Variants in SOBP observed in about 807,000 individuals in gnomAD.
SOBP encodes sine oculis binding protein homolog, also known as sine oculis-binding protein homolog.
A neutral mutation model predicts 53.6 loss-of-function variants in SOBP; 4 were observed. That is an observed-to-expected ratio of 0.07 (90% CI 0.04 to 0.17). The LOEUF (loss-of-function observed/expected upper bound fraction) is 0.17, where lower values mean the gene tolerates loss of function less well. SOBP is among the 10% of genes least tolerant of loss of function. SOBP has a pLI of 1.00. For synonymous variants in SOBP, 584 were observed against 522.6 expected (o/e 1.12, Z -1.60); for missense variants, 1,088 against 1,204.7 (o/e 0.90, Z 1.43).
Position 107,635,102 on chromosome 6 carries a change from C to G in SOBP, c.2258C>G (p.Pro753Arg), listed in dbSNP as rs1770966068. 1 of 1,604,232 alleles carries G rather than the reference C, an allele frequency of 6.2e-7. No homozygotes were observed. The highest frequency in any genetic ancestry group is 1.3e-5 in the African/African-American group (1 of 74,580). Residue 753 changes from proline (P) to arginine (R), a missense_variant, in exon 6 of 7, where the codon CCC becomes CGC. Transcript: ENST00000317357. The surrounding 1 kb of genome is among the most constrained non-coding windows in gnomAD (Gnocchi z 4.5). ...CCGCCGCCGCCGCCGCCGCCCGCGC[C>G]CCCCAAGAAGCTGCTGTCGCCTGAG... is the stretch of plus-strand genomic sequence containing the variant. ...EQPPPPPPPAPPKKLLSPEEP... is the reference protein window; with the variant it reads ...EQPPPPPPPARPKKLLSPEEP...
intron 4 of SOBP, among the ~76,000 whole-genome samples, chr6:107,539,462 AG>A (rs1182554079): frequency 1.3e-5 from 2 of 152,206 alleles, no homozygotes; most frequent in Non-Finnish European, 2.9e-5. Context: ...TTTCAGACAT[AG>A]TACATCTCTG....
intron 4 of SOBP, among the ~76,000 whole-genome samples, chr6:107,552,928 A>T (rs138402660): frequency 6.6e-6 from 1 of 152,184 alleles, no homozygotes; most frequent in East Asian, 1.9e-4. Flanking sequence ...GTCTCCATGA[A>T]TAAATAAATA....
chr6:107,570,072 C>T (rs116154067), intron 4 of SOBP, among the ~76,000 whole-genome samples: 25 of 152,226 alleles, frequency 1.6e-4, no homozygotes, highest in African/African-American at 5.1e-4. Flanking sequence ...ATGAGAATAA[C>T]GGGACTGGTT....
intron 4 of SOBP, chr6:107,558,274 T>C (rs560704131): frequency 3.3e-5 from 5 of 152,122 alleles, no homozygotes; most frequent in East Asian, 1.9e-4. Flanking sequence ...CTAGTTCTTT[T>C]TTTTCCCCCC....
chr6:107,595,522 T>C (rs1418160133), intron 5 of SOBP, among the ~76,000 whole-genome samples: 1 of 152,140 alleles, frequency 6.6e-6, no homozygotes, highest in Non-Finnish European at 1.5e-5. Context: ...TTGTTTTAAT[T>C]ACTAGAACTG....
chr6:107,627,490 A>G (rs114974080), intron 5 of SOBP, among the ~76,000 whole-genome samples: 3,393 of 152,336 alleles, frequency 0.022, 136 homozygotes, highest in African/African-American at 0.078. Context: ...AACTTGAGTC[A>G]TGGTATAAAG....
At chr6:107,620,560 T>C (rs923799227) in intron 5 of SOBP, among the ~76,000 whole-genome samples, 6 of 152,314 alleles carry the variant, frequency 3.9e-5, no homozygotes, top group Middle Eastern at 3.4e-3. Context: ...CAGCATCTCA[T>C]GGGCTCTGTT....
chr6:107,527,640 C>A (rs1408542839), intron 3 of SOBP, among the ~76,000 whole-genome samples: 1 of 152,170 alleles, frequency 6.6e-6, no homozygotes, highest in African/African-American at 2.4e-5. Flanking sequence ...CATGACCAGT[C>A]CTTGATCGAC....
chr6:107,658,516 A>T lies in SOBP; in HGVS notation c.*313A>T, dbSNP rs1011393853. The T allele has an allele frequency of 3.9e-5, 6 of 152,624 alleles. No homozygotes were observed. Among genetic ancestry groups the T allele is most frequent in the Non-Finnish European group, 8.8e-5 (6 of 68,038 alleles). 9.5% of individuals were successfully genotyped at this position (152,624 alleles called of 1,614,324 possible). A position where few individuals can be genotyped will look rare whatever the true frequency, so the allele number is the denominator to read the frequency against. On this transcript the variant is annotated 3_prime_UTR_variant, in exon 7 of 7. Coordinates refer to ENST00000317357, the MANE Select transcript of SOBP (RefSeq NM_018013.4). ...AAAAAAAACGAAATACCGACAAGCC[A>T]CAAGGACCAATGTAGGTATTCTCCC...
chr6:107,600,195 G>T (rs1488273916), intron 5 of SOBP, among the ~76,000 whole-genome samples: 2 of 152,206 alleles, frequency 1.3e-5, no homozygotes, highest in African/African-American at 4.8e-5. Flanking sequence ...TACAATGTGT[G>T]TGAGGATTGG....
chr6:107,511,842 C>G (rs1373295484), intron 3 of SOBP: 1 of 152,350 alleles, frequency 6.6e-6, no homozygotes, highest in Non-Finnish European at 1.5e-5. Flanking sequence ...GCCTTTCCCC[C>G]CACAGAGACA....
chr6:107,585,959 C>G (rs1402938800), intron 4 of SOBP, among the ~76,000 whole-genome samples: 2 of 152,118 alleles, frequency 1.3e-5, no homozygotes, highest in African/African-American at 4.8e-5. Flanking sequence ...GTTTTCTCCC[C>G]CCTCAATCCA....
chr6:107,503,881 T>C, intron 2 of SOBP, 86 bp downstream of exon 2: 1 of 1,510,086 alleles, frequency 6.6e-7, no homozygotes, highest in Non-Finnish European at 9.1e-7. Flanking sequence ...GGGACTCAAT[T>C]GAGTTGCTTT....
At chr6:107,507,600 C>CG (rs1783034874) in intron 3 of SOBP, among the ~76,000 whole-genome samples, 1 of 152,050 alleles carries the variant, frequency 6.6e-6, no homozygotes, top group Non-Finnish European at 1.5e-5. Flanking sequence ...GCCACCATTC[C>CG]GGGCCCTAAA....
chr6:107,651,054 C>G (rs1269735461), intron 6 of SOBP, among the ~76,000 whole-genome samples: 1 of 152,090 alleles, frequency 6.6e-6, no homozygotes, highest in East Asian at 1.9e-4. Flanking sequence ...TCGCTTGAGC[C>G]CAGGAGTTCA....
At chr6:107,550,754 G>C (rs978437539) in intron 4 of SOBP, among the ~76,000 whole-genome samples, 1 of 152,182 alleles carries the variant, frequency 6.6e-6, no homozygotes, top group Non-Finnish European at 1.5e-5. Flanking sequence ...AAAGATGTGA[G>C]TCAGGAATGA....
intron 4 of SOBP, among the ~76,000 whole-genome samples, chr6:107,542,342 A>C (rs772702277): frequency 6.6e-6 from 1 of 152,146 alleles, no homozygotes; most frequent in Non-Finnish European, 1.5e-5. Flanking sequence ...AGAGGTCCTC[A>C]GGCAGGAACA....
At chr6:107,605,193 A>G (rs1011012855) in intron 5 of SOBP, among the ~76,000 whole-genome samples, 1 of 152,188 alleles carries the variant, frequency 6.6e-6, no homozygotes, top group Admixed American at 6.5e-5. Flanking sequence ...CATATATTAT[A>G]TACATACTAC....
intron 4 of SOBP, among the ~76,000 whole-genome samples, chr6:107,536,385 CTG>C (rs1321390775): frequency 2.0e-5 from 3 of 152,202 alleles, no homozygotes; most frequent in East Asian, 1.9e-4. Context: ...CTTGTGGTCT[CTG>C]TGCATTTCTC....
Sources: gnomAD v4.1 joint callset for allele counts (sites outside exome capture counted in the v4.1 genomes callset) on GRCh38, gnomAD v4.1.1 for gene constraint, Gnocchi (gnomAD v3.1) non-coding constraint, MANE v1.5 for transcripts, NCBI Gene and HGNC (gene_info 2026-07-23, HGNC 2026-07-21) for gene names.